The following TNFRSF14 variants were observed in gnomAD, a reference collection of about 807,000 sequenced individuals.
The protein encoded by TNFRSF14 is tumor necrosis factor receptor superfamily member 14.
A neutral mutation model predicts 34.1 loss-of-function variants in TNFRSF14; 18 were observed. The ratio of observed to expected loss-of-function variants is 0.53; its 90% CI spans 0.36 to 0.78. TNFRSF14 has a LOEUF of 0.78. Among genes scored for constraint, TNFRSF14 ranks in the 30% least tolerant of loss-of-function variants. The pLI, the probability that TNFRSF14 is intolerant of heterozygous loss-of-function variation, is 0.00. For missense variants in TNFRSF14, 352 were observed against 379.5 expected, an observed-to-expected ratio of 0.93 and a Z score of 0.60; for synonymous variants, 157 against 153.2, an observed-to-expected ratio of 1.02 and a Z score of -0.18.
intron 6 of TNFRSF14, 190 bp downstream of exon 6, chr1:2,562,005 G>C: frequency 1.5e-6 from 1 of 661,354 alleles, no homozygotes; most frequent in Non-Finnish European, 2.6e-6. Flanking sequence ...TGGCCTCCCT[G>C]GGGGAAGGGA....
chr1:2,561,801 G>A lies in TNFRSF14; in HGVS notation c.680G>A (p.Arg227Lys). The A allele has an allele frequency of 3.1e-6, 5 of 1,613,812 alleles. No individual in the cohort carries two copies. In the South Asian group the frequency reaches 4.4e-5, roughly 14 times the overall value. ...GTTGGCCTAATCATATGTGTGAAAA[G>A]AAGAAAGCCAAGGGGTGAGCACACG... ...STVGLIICVK[R>K]RKPRGDVVKV... Residue 227 changes from arginine to lysine, a missense_variant, in exon 6 of 8, where the codon AGA (arginine) becomes AAA (lysine). Arg to Lys is a conservative substitution (Grantham distance 26). Transcript: ENST00000355716. The surrounding 1 kb of genome is among the most constrained non-coding windows in gnomAD (Gnocchi z 6.0).
chr1:2,557,480 C>G (rs1022930540), intron 1 of TNFRSF14, among the ~76,000 whole-genome samples: 2 of 152,138 alleles, frequency 1.3e-5, no homozygotes, highest in Non-Finnish European at 2.9e-5. Flanking sequence ...AGTTCCAGTT[C>G]CCAGGGCTCC....
chr1:2,557,923 C>T (rs1644243100), intron 2 of TNFRSF14, 89 bp downstream of exon 2: 11 of 1,099,022 alleles, frequency 1.0e-5, no homozygotes, highest in Admixed American at 2.4e-5. Context: ...GTGTTCTCTG[C>T]CCCCACAGCC....
At position 2,561,873 on chromosome 1, in the gene TNFRSF14, C is replaced by CT; in HGVS notation, c.694+59dup. 1 of 1,558,966 alleles carries CT rather than the reference C, an allele frequency of 6.4e-7. No individual in the cohort carries two copies. Among genetic ancestry groups the CT allele is most frequent in the South Asian group, 1.1e-5 (1 of 87,076 alleles). ...TCCCCAGCCGTCACCTCTTGGAGCTCTGTCACCCCAAGCCTGGGAGGTGGC... is the reference window on the plus strand; with the variant it reads ...TCCCCAGCCGTCACCTCTTGGAGCTCTTGTCACCCCAAGCCTGGGAGGTGGC... On this transcript the variant is annotated intron_variant, in intron 6 of 7. Coordinates refer to ENST00000355716, the MANE Select transcript of TNFRSF14 (RefSeq NM_003820.4). This position sits in a 1 kb window ranked among gnomAD's most constrained non-coding sequence, Gnocchi z 6.0.
chr1:2,561,030 G>A lies in TNFRSF14; in HGVS notation c.551+316G>A, dbSNP rs1445320234. On this transcript the variant is annotated intron_variant, in intron 5 of 7. Coordinates refer to ENST00000355716, the MANE Select transcript of TNFRSF14 (RefSeq NM_003820.4). This position sits in a 1 kb window ranked among gnomAD's most constrained non-coding sequence, Gnocchi z 6.0. ...CCTGGGGCTGTGGGTGTCCCTGAAT[G>A]TCAGGGCCATGGGAGGGCCCCTGGG... The A allele has an allele frequency of 7.4e-6, 3 of 404,652 alleles. No homozygotes were observed. Among genetic ancestry groups the A allele is most frequent in the Non-Finnish European group, 1.3e-5 (3 of 225,580 alleles). The allele number at this position is 404,652 out of a possible 1,614,324, so 25.1% of individuals were successfully genotyped here.
rs2100865719 is a variant in TNFRSF14, at chr1:2,563,258, G to A, written c.837G>A (p.Arg279=). The A allele has an allele frequency of 6.2e-7, 1 of 1,613,510 alleles. No individual in the cohort carries two copies. Among genetic ancestry groups the A allele is most frequent in the Non-Finnish European group, 8.5e-7 (1 of 1,180,006 alleles). ...VEETIPSFTG[R]SPNH ...AGACAATACCCTCATTCACGGGGAG[G>A]AGCCCAAACCACTGACCCACAGACT... The change falls in exon 8 of 8, where the codon AGG becomes AGA. Residue 279 remains arginine (R), a synonymous_variant. Transcript: ENST00000355716.
At chr1:2,563,034 G>T in intron 7 of TNFRSF14, 114 bp from the exon 8 acceptor site, 2 of 1,575,862 alleles carry the variant, frequency 1.3e-6, no homozygotes, top group South Asian at 2.3e-5. Flanking sequence ...TACAGCCACG[G>T]TAGCTCAGGA....
At position 2,561,695 on chromosome 1, in the gene TNFRSF14, G is replaced by A. The variant is rs1393173491; in HGVS notation, c.574G>A (p.Ala192Thr). The change falls in exon 6 of 8, where the codon GCC (alanine) becomes ACC (threonine). Residue 192 changes from alanine (A) to threonine (T), a missense_variant. Coordinates refer to ENST00000355716, the MANE Select transcript of TNFRSF14 (RefSeq NM_003820.4). This position sits in a 1 kb window ranked among gnomAD's most constrained non-coding sequence, Gnocchi z 6.0. Reference protein sequence around the residue: ...QTKCSWLVTKAGAGTSSSHWV... With the variant: ...QTKCSWLVTKTGAGTSSSHWV... ...CAGGTGCAGCTGGCTGGTGACGAAG[G>A]CCGGAGCTGGGACCAGCAGCTCCCA... The A allele has an allele frequency of 4.3e-6, 7 of 1,613,242 alleles. No individual in the cohort carries two copies. Among genetic ancestry groups the A allele is most frequent in the Non-Finnish European group, 5.9e-6 (7 of 1,179,978 alleles).
In TNFRSF14 at chr1:2,559,805, C is replaced by T. The variant is rs750170869; in HGVS notation, c.305-18C>T. 5.0e-6 allele frequency: 8 copies of T among 1,602,254 alleles called. No homozygotes were observed. The highest frequency in any genetic ancestry group is 3.4e-5 in the South Asian group (3 of 89,502). Reference sequence around the variant, plus strand: ...CGGCCTCCACGTACCCCTCTCAGCCCCTCCTCTTGGACTCCAGCCATGGGC... The same window carrying T: ...CGGCCTCCACGTACCCCTCTCAGCCTCTCCTCTTGGACTCCAGCCATGGGC... On this transcript the variant is annotated intron_variant, in intron 3 of 7. Coordinates refer to ENST00000355716, the MANE Select transcript of TNFRSF14 (RefSeq NM_003820.4).
chr1:2,559,132 T>C (rs1300168793), intron 3 of TNFRSF14: 1 of 1,362,538 alleles, frequency 7.3e-7, no homozygotes, highest in Non-Finnish European at 9.7e-7. Flanking sequence ...GGGCAGGGCC[T>C]GAGCCTACAG....
chr1:2,559,021 G>C (rs550402490), intron 3 of TNFRSF14: 2 of 1,368,468 alleles, frequency 1.5e-6, no homozygotes, highest in South Asian at 2.4e-5. Flanking sequence ...TGCGGCCAAC[G>C]GCTCTGTCCC....
chr1:2,560,343 G>A (rs945431453), intron 4 of TNFRSF14, among the ~76,000 whole-genome samples: 1 of 152,158 alleles, frequency 6.6e-6, no homozygotes, highest in African/African-American at 2.4e-5. Context: ...GTCCAGCCCT[G>A]GCCTGCATCT....
In TNFRSF14 at chr1:2,562,316, G is replaced by A. The variant is rs11573992; in HGVS notation, c.694+501G>A. 1,098 of 210,648 alleles carry A rather than the reference G, an allele frequency of 5.2e-3. 12 individuals are homozygous for A. The highest frequency in any genetic ancestry group is 0.023 in the African/African-American group (1,002 of 42,670). 13.0% of individuals were successfully genotyped at this position (210,648 alleles called of 1,614,324 possible). On this transcript the variant is annotated intron_variant, in intron 6 of 7. Coordinates refer to ENST00000355716, the MANE Select transcript of TNFRSF14 (RefSeq NM_003820.4). ...GGCACTGACCCCGCTGTGTGGACCC[G>A]GCTGTGGCCCTGGGAGCCCTGTGCA...
chr1:2,563,125 C>G, intron 7 of TNFRSF14, 23 bp from the exon 8 acceptor site: 2 of 1,612,662 alleles, frequency 1.2e-6, no homozygotes, highest in South Asian at 2.2e-5. Flanking sequence ...CAGGCAGGGT[C>G]TCCACGATTC....
At position 2,563,357 on chromosome 1, in the gene TNFRSF14, G is replaced by C. The variant is rs1260226122; in HGVS notation, c.*84G>C. 2 of 1,575,760 alleles carry C rather than the reference G, an allele frequency of 1.3e-6. No homozygotes were observed. Among genetic ancestry groups the C allele is most frequent in the Non-Finnish European group, 1.7e-6 (2 of 1,159,070 alleles). The stretch of plus-strand genomic sequence containing the variant: ...CTGTCCACCTGGCGGAACCACCGGA[G>C]CCCGGAGGCTTGGGGGCTCCGCCCT... On this transcript the variant is annotated 3_prime_UTR_variant, in exon 8 of 8. Coordinates refer to ENST00000355716, the MANE Select transcript of TNFRSF14 (RefSeq NM_003820.4).
intron 5 of TNFRSF14, 103 bp downstream of exon 5, chr1:2,560,817 C>A: frequency 9.1e-7 from 1 of 1,095,084 alleles, no homozygotes; most frequent in Non-Finnish European, 1.3e-6. Context: ...GCTTGAAGGT[C>A]CCACCCTGAG....
chr1:2,560,507 C>T (rs1217127102), intron 4 of TNFRSF14, 117 bp from the exon 5 acceptor site: 2 of 703,168 alleles, frequency 2.8e-6, no homozygotes, highest in Admixed American at 5.7e-5. Flanking sequence ...CCCCGCTGGT[C>T]CTCCCATCAC....
chr1:2,556,403 A>G lies in TNFRSF14; in HGVS notation c.-262A>G. 4.4e-6 allele frequency: 3 copies of G among 683,624 alleles called. 1 individual carries two copies. The highest frequency in any genetic ancestry group is 8.0e-6 in the Non-Finnish European group (3 of 373,182). The allele number at this position is 683,624 out of a possible 1,614,324, so 42.3% of individuals were successfully genotyped here. The stretch of plus-strand genomic sequence containing the variant: ...CCCTTCCCCTCGGCTTTGCCTGGAC[A>G]GCTCCTGCCTCCCGCAGGGCCCACC... On this transcript the variant is annotated 5_prime_UTR_variant, in exon 1 of 8. Transcript: ENST00000355716.
rs556753556 is a variant in TNFRSF14, at chr1:2,560,770, G to T, written c.551+56G>T. 3.7e-5 allele frequency: 57 copies of T among 1,530,016 alleles called. 1 individual carries two copies. In the South Asian group the frequency reaches 5.6e-4, roughly 15 times the overall value. 94.8% of individuals were successfully genotyped at this position (1,530,016 alleles called of 1,614,324 possible). ...TGCCCTGGGGAGGGGGCTCCACGTT[G>T]CTTCCCTGGGAGATGACCGTCTTCT... On this transcript the variant is annotated intron_variant, in intron 5 of 7. Transcript: ENST00000355716.
Sources: gnomAD v4.1 joint callset for allele counts (sites outside exome capture counted in the v4.1 genomes callset) on GRCh38, gnomAD v4.1.1 for gene constraint, Gnocchi (gnomAD v3.1) non-coding constraint, MANE v1.5 for transcripts, NCBI Gene and HGNC (gene_info 2026-07-23, HGNC 2026-07-21) for gene names.